The following ZNF600 variants were observed in gnomAD, a reference collection of about 807,000 sequenced individuals.
ZNF600 encodes the protein zinc finger protein KR-ZNF1.
In ZNF600, 4 loss-of-function variants were observed where a neutral mutation model predicts 7.3. The observed-to-expected ratio is 0.55, with a 90% CI of 0.27 to 1.25. The LOEUF is 1.25. ZNF600 is among the 50% of genes most tolerant of loss of function. The pLI, the probability that ZNF600 is intolerant of heterozygous loss-of-function variation, is 0.12. For missense variants in ZNF600, 911 were observed against 922.1 expected (o/e 0.99, Z 0.16); for synonymous variants, 290 against 308.9 (o/e 0.94, Z 0.64).
At chr19:52,791,869 C>A in the ZNF600 span, among the ~76,000 whole-genome samples, 2 of 152,214 alleles carry the variant, frequency 1.3e-5, no homozygotes, top group African/African-American at 4.8e-5. Flanking sequence ...CCTGATCAAA[C>A]CCCATCCAGA....
rs369273562 is a variant in ZNF600 at position 52,765,678 on chromosome 19, G to A, written c.2285C>T (p.Pro762Leu). 8 of 1,613,918 alleles carry A rather than the reference G, an allele frequency of 5.0e-6. No homozygotes were observed. The East Asian group carries it at 1.1e-4, about 22-fold the overall frequency. ...TTTGCCACACTCATTACACTTGTAAGGTTTCTCTCCAGTGTGAAGTCCAGT... is the reference window on the plus strand; with the variant it reads ...TTTGCCACACTCATTACACTTGTAAAGTTTCTCTCCAGTGTGAAGTCCAGT... The change falls in exon 4 of 4, where the codon CCT becomes CTT. Residue 762 changes from proline (P) to leucine (L), a missense_variant. Transcript: ENST00000648973.
chr19:52,803,545 T>A, the ZNF600 span, among the ~76,000 whole-genome samples: 1 of 151,968 alleles, frequency 6.6e-6, no homozygotes, highest in Non-Finnish European at 1.5e-5. Flanking sequence ...TCTAAACAAT[T>A]CCCTCTTAAG....
At chr19:52,801,430 G>C in the ZNF600 span, 3 of 1,614,086 alleles carry the variant, frequency 1.9e-6, no homozygotes, top group African/African-American at 1.3e-5. Context: ...AATCCAAGCT[G>C]ATCTTTAATA....
At chr19:52,821,212 G>A in the ZNF600 span, among the ~76,000 whole-genome samples, 4 of 152,140 alleles carry the variant, frequency 2.6e-5, no homozygotes, top group Non-Finnish European at 5.9e-5. Context: ...CCGGGACTGG[G>A]GTCGCCGCGC....
At chr19:52,801,063 T>C in the ZNF600 span, 2 of 1,614,198 alleles carry the variant, frequency 1.2e-6, no homozygotes, top group Non-Finnish European at 1.7e-6. Context: ...AGATCTACGA[T>C]GGCATGCAAG....
upstream of ZNF600, among the ~76,000 whole-genome samples, chr19:52,787,195 A>G (rs571542828): frequency 9.9e-5 from 15 of 152,252 alleles, no homozygotes; most frequent in South Asian, 8.3e-4. Context: ...TGCGGGACGG[A>G]GAGCTCAGGC....
At chr19:52,833,067 A>C in the ZNF600 span, among the ~76,000 whole-genome samples, 1 of 152,174 alleles carries the variant, frequency 6.6e-6, no homozygotes, top group African/African-American at 2.4e-5. Flanking sequence ...CACCACACCC[A>C]GACCAACATC....
At chr19:52,766,964 A>C (rs777414434) in exon 4 of ZNF600, 9 of 1,614,076 alleles carry the variant, frequency 5.6e-6, no homozygotes, top group Non-Finnish European at 7.6e-6. Context: ...GAATTGCCTT[A>C]TGAATTACAA....
chr19:52,785,620 T>C (rs12973596), intron 1 of ZNF600, among the ~76,000 whole-genome samples: 71,929 of 151,908 alleles, frequency 0.47, 18,017 homozygotes, highest in Non-Finnish European at 0.56. Context: ...TTACAGCCTC[T>C]TCTCTTATCT....
At chr19:52,825,439 C>T in the ZNF600 span, among the ~76,000 whole-genome samples, 9 of 152,026 alleles carry the variant, frequency 5.9e-5, no homozygotes, top group Non-Finnish European at 1.0e-4. Flanking sequence ...CTTGGGAGGC[C>T]GAGGAGGGAG....
At chr19:52,800,696 A>T in the ZNF600 span, 2 of 1,612,334 alleles carry the variant, frequency 1.2e-6, no homozygotes, top group South Asian at 2.2e-5. Flanking sequence ...CTTCACATTC[A>T]TAAGGTTTCT....
At chr19:52,810,755 GA>G in the ZNF600 span, 209 of 470,434 alleles carry the variant, frequency 4.4e-4, no homozygotes, top group South Asian at 5.8e-4. Flanking sequence ...GAAAGAAGGG[GA>G]AAAAAAAAGA....
At chr19:52,828,955 G>T in the ZNF600 span, among the ~76,000 whole-genome samples, 1 of 152,108 alleles carries the variant, frequency 6.6e-6, no homozygotes, top group African/African-American at 2.4e-5. Context: ...CTGCCTCCCA[G>T]ATTCACGCCA....
the ZNF600 span, chr19:52,799,112 T>C: frequency 2.4e-6 from 1 of 417,570 alleles, no homozygotes; most frequent in Non-Finnish European, 4.6e-6. Flanking sequence ...AAGATTTCTC[T>C]GCAGTATGAA....
the ZNF600 span, among the ~76,000 whole-genome samples, chr19:52,813,867 T>G: frequency 6.8e-6 from 1 of 146,106 alleles, no homozygotes; most frequent in Non-Finnish European, 1.5e-5. Flanking sequence ...TTCCTTTGCC[T>G]TTTTTCCCTT....
At chr19:52,793,417 G>T in the ZNF600 span, among the ~76,000 whole-genome samples, 1 of 152,190 alleles carries the variant, frequency 6.6e-6, no homozygotes, top group Non-Finnish European at 1.5e-5. Context: ...ACTTGCAGCT[G>T]AGGGGCTAGA....
intron 1 of ZNF600, among the ~76,000 whole-genome samples, chr19:52,784,922 G>C (rs574373542): frequency 1.3e-5 from 2 of 151,894 alleles, no homozygotes; most frequent in South Asian, 4.2e-4. Context: ...TGACAGAGAT[G>C]GGGGGAGCCT....
the ZNF600 span, among the ~76,000 whole-genome samples, chr19:52,831,651 C>T: frequency 7.9e-5 from 12 of 151,896 alleles, no homozygotes; most frequent in East Asian, 5.8e-4. Flanking sequence ...TACAGGTGCC[C>T]GCCACCACGC....
chr19:52,817,919 C>T, the ZNF600 span: 2 of 1,609,674 alleles, frequency 1.2e-6, no homozygotes, highest in Admixed American at 1.7e-5. Context: ...GGAGACAGAG[C>T]AATCCACCGA....
Sources: gnomAD v4.1 joint callset for allele counts (sites outside exome capture counted in the v4.1 genomes callset) on GRCh38, gnomAD v4.1.1 for gene constraint, MANE v1.5 for transcripts, NCBI Gene and HGNC (gene_info 2026-07-23, HGNC 2026-07-21) for gene names.